ASB18: variants seen among roughly 807,000 people sequenced by gnomAD.
The protein encoded by ASB18 is ankyrin repeat and SOCS box protein 18.
In ASB18, 33 loss-of-function variants were observed where a neutral mutation model predicts 33.4. The observed-to-expected ratio is 0.99, with a 90% CI of 0.75 to 1.32. The LOEUF is 1.32. Ranked by LOEUF, ASB18 falls within the 40% of genes most tolerant of loss-of-function variation. The pLI is 0.00. For synonymous variants in ASB18, 295 were observed against 307.6 expected (o/e 0.96, Z 0.43); for missense variants, 694 against 655.5 (o/e 1.06, Z -0.64).
intron 4 of ASB18, among the ~76,000 whole-genome samples, chr2:236,199,546 TA>T (rs1179494365): frequency 2.7e-5 from 4 of 150,732 alleles, no homozygotes; most frequent in African/African-American, 4.9e-5. Flanking sequence ...AATATCACTA[TA>T]TATCAGAGAG....
chr2:236,197,922 T>C (rs759065983), intron 4 of ASB18, among the ~76,000 whole-genome samples: 1 of 152,172 alleles, frequency 6.6e-6, no homozygotes, highest in Non-Finnish European at 1.5e-5. Context: ...TTGCCAAGTG[T>C]TGTATAATCG....
rs1003033640 is a variant in ASB18, at chr2:236,195,332, C to T, written c.1216-275G>A. 3.9e-5 allele frequency among the ~76,000 whole-genome samples: 6 copies of T among 152,244 alleles called. No individual in the cohort carries two copies. The highest frequency in any genetic ancestry group is 4.4e-5 in the Non-Finnish European group (3 of 68,016). On this transcript the variant is annotated intron_variant, in intron 5 of 5. Transcript: ENST00000409749. The surrounding 1 kb of genome is among the most constrained non-coding windows in gnomAD (Gnocchi z 5.5). ...GGTCTCCCCGAATTCCGTTTTGCTCCATCCTCTTTGCACAGCAGCCCTACA... is the reference window on the plus strand; with the variant it reads ...GGTCTCCCCGAATTCCGTTTTGCTCTATCCTCTTTGCACAGCAGCCCTACA...
rs577328379 is a variant in ASB18 at position 236,209,034 on chromosome 2, C to G, written c.1101+5328G>C. On this transcript the variant is annotated intron_variant, in intron 4 of 5. Transcript: ENST00000409749. The surrounding 1 kb of genome is among the most constrained non-coding windows in gnomAD (Gnocchi z 4.4). ...TTATGATCTCCCCTCTCTCCTCCCA[C>G]TGGGGACTGGGTGCACGCAACTCTG... Among the ~76,000 whole-genome samples, 1 of 152,266 alleles carries G rather than the reference C, an allele frequency of 6.6e-6. No homozygotes were observed. Among genetic ancestry groups the G allele is most frequent in the African/African-American group, 2.4e-5 (1 of 41,556 alleles).
At position 236,255,053 on chromosome 2, in the gene ASB18, C is replaced by T. The variant is rs2060685877; in HGVS notation, c.205+9088G>A. Among the ~76,000 whole-genome samples the T allele has an allele frequency of 1.3e-5, 2 of 152,212 alleles. No individual in the cohort carries two copies. Among genetic ancestry groups the T allele is most frequent in the African/African-American group, 4.8e-5 (2 of 41,458 alleles). On this transcript the variant is annotated intron_variant, in intron 1 of 5. Transcript: ENST00000409749. This position sits in a 1 kb window ranked among gnomAD's most constrained non-coding sequence, Gnocchi z 4.4. ...TGCGTTCCGCCGCGACTGAAAGCTT[C>T]CTGAAGTCTCCCCAGAAGCCGAAGC...
rs1013520157 is a variant in ASB18 at position 236,260,079 on chromosome 2, A to G, written c.205+4062T>C. Among the ~76,000 whole-genome samples the G allele has an allele frequency of 1.3e-5, 2 of 152,238 alleles. No homozygotes were observed. Among genetic ancestry groups the G allele is most frequent in the Admixed American group, 1.3e-4 (2 of 15,288 alleles). Reference sequence around the variant, plus strand: ...ACAGGCCGATGAGCATGGTGATTGCACTGCAAGAGGCAAGGTCCTCAAGTG... The same window carrying G: ...ACAGGCCGATGAGCATGGTGATTGCGCTGCAAGAGGCAAGGTCCTCAAGTG... On this transcript the variant is annotated intron_variant, in intron 1 of 5. Transcript: ENST00000409749. This position sits in a 1 kb window ranked among gnomAD's most constrained non-coding sequence, Gnocchi z 5.1.
rs1012792975 is a variant in ASB18, at chr2:236,208,780, AT to A, written c.1101+5581del. The stretch of plus-strand genomic sequence containing the variant: ...TGCCAGGCAGCTGGCTGCCTTCATT[AT>A]TTTTACGCCAACACAGTTTAAAAAT... On this transcript the variant is annotated intron_variant, in intron 4 of 5. Coordinates refer to ENST00000409749, the MANE Select transcript of ASB18 (RefSeq NM_212556.4). This position sits in a 1 kb window ranked among gnomAD's most constrained non-coding sequence, Gnocchi z 7.7. 6.6e-6 allele frequency among the ~76,000 whole-genome samples: 1 copy of A among 151,986 alleles called. No individual in the cohort carries two copies. The highest frequency in any genetic ancestry group is 1.5e-5 in the Non-Finnish European group (1 of 67,996).
In ASB18 at chr2:236,208,882, G is replaced by A. The variant is rs1219234739; in HGVS notation, c.1101+5480C>T. Among the ~76,000 whole-genome samples, 5 of 152,108 alleles carry A rather than the reference G, an allele frequency of 3.3e-5. No individual in the cohort carries two copies. Among genetic ancestry groups the A allele is most frequent in the African/African-American group, 1.2e-4 (5 of 41,402 alleles). ...ACATGCTGATGTCATTAGTGTCCAC[G>A]CACACCACACTCTCTTCAGCTAATG... On this transcript the variant is annotated intron_variant, in intron 4 of 5. Coordinates refer to ENST00000409749, the MANE Select transcript of ASB18 (RefSeq NM_212556.4). This position sits in a 1 kb window ranked among gnomAD's most constrained non-coding sequence, Gnocchi z 7.7.
Position 236,249,763 on chromosome 2 carries a change from G to A in ASB18, c.206-8361C>T, listed in dbSNP as rs1301810605. The stretch of plus-strand genomic sequence containing the variant: ...GTGGTCTTTTGCTGCAGACCATGAA[G>A]TGAATTTAGGAAAAGGAAGGCAAGA... On this transcript the variant is annotated intron_variant, in intron 1 of 5. Transcript: ENST00000409749. This position sits in a 1 kb window ranked among gnomAD's most constrained non-coding sequence, Gnocchi z 4.6. 1 of 152,154 alleles carries A rather than the reference G, an allele frequency of 6.6e-6. No homozygotes were observed. Among genetic ancestry groups the A allele is most frequent in the East Asian group, 1.9e-4 (1 of 5,190 alleles). 9.4% of individuals were successfully genotyped at this position (152,154 alleles called of 1,614,324 possible).
rs1390161268 is a variant in ASB18, at chr2:236,248,058, G to A, written c.206-6656C>T. On this transcript the variant is annotated intron_variant, in intron 1 of 5. Transcript: ENST00000409749. This position sits in a 1 kb window ranked among gnomAD's most constrained non-coding sequence, Gnocchi z 4.9. ...CGGGGTGTAGGCAGCAACATGCAATGCCAGTTTCATGACAGCCTCTTGGAA... is the reference window on the plus strand; with the variant it reads ...CGGGGTGTAGGCAGCAACATGCAATACCAGTTTCATGACAGCCTCTTGGAA... 3 of 152,328 alleles carry A rather than the reference G, an allele frequency of 2.0e-5. No homozygotes were observed. Among genetic ancestry groups the A allele is most frequent in the South Asian group, 2.1e-4 (1 of 4,824 alleles). 9.4% of individuals were successfully genotyped at this position (152,328 alleles called of 1,614,324 possible). A position where few individuals can be genotyped will look rare whatever the true frequency, so the allele number is the denominator to read the frequency against.
Position 236,262,456 on chromosome 2 carries a change from T to C in ASB18, c.205+1685A>G, listed in dbSNP as rs1276895225. Among the ~76,000 whole-genome samples the C allele has an allele frequency of 6.6e-6, 1 of 152,312 alleles. No homozygotes were observed. Among genetic ancestry groups the C allele is most frequent in the East Asian group, 1.9e-4 (1 of 5,156 alleles). ...AGCCAAGCCTTCCACAGAAGGAGGC[T>C]GCTAAACCCAGCAGCGATCTGGCAG... On this transcript the variant is annotated intron_variant, in intron 1 of 5. Transcript: ENST00000409749. The surrounding 1 kb of genome is among the most constrained non-coding windows in gnomAD (Gnocchi z 5.2).
intron 1 of ASB18, chr2:236,254,041 G>A (rs1202542492): frequency 6.6e-6 from 1 of 152,080 alleles, no homozygotes; most frequent in Admixed American, 6.5e-5. Flanking sequence ...TTTCCATAAA[G>A]TGCCAGACAG....
rs2060476615 is a variant in ASB18, at chr2:236,214,600, G to C, written c.863C>G (p.Ala288Gly). 7 of 1,256,296 alleles carry C rather than the reference G, an allele frequency of 5.6e-6. No homozygotes were observed. The South Asian group carries it at 1.9e-4, about 35-fold the overall frequency. 77.8% of individuals were successfully genotyped at this position (1,256,296 alleles called of 1,614,324 possible). Residue 288 changes from alanine to glycine, a missense_variant, in exon 4 of 6, where the codon GCG (alanine) becomes GGG (glycine). Coordinates refer to ENST00000409749, the MANE Select transcript of ASB18 (RefSeq NM_212556.4). This position sits in a 1 kb window ranked among gnomAD's most constrained non-coding sequence, Gnocchi z 6.5. ...LLLRRGAEAD[A>G]RDEDERSPLH... ...CGGGCTGCGCTCGTCCTCGTCGCGC[G>C]CGTCCGCCTCCGCCCCGCGCCGCAG...
chr2:236,253,154 G>A lies in ASB18; in HGVS notation c.205+10987C>T, dbSNP rs965181050. 4.6e-5 allele frequency among the ~76,000 whole-genome samples: 7 copies of A among 152,174 alleles called. No individual in the cohort carries two copies. The highest frequency in any genetic ancestry group is 7.3e-5 in the Non-Finnish European group (5 of 68,028). ...ACCCAACGCTGACCCCTGAGCTCAC[G>A]AGCCACTGGGAGGATGGTGGGTGTG... On this transcript the variant is annotated intron_variant, in intron 1 of 5. Coordinates refer to ENST00000409749, the MANE Select transcript of ASB18 (RefSeq NM_212556.4). The surrounding 1 kb of genome is among the most constrained non-coding windows in gnomAD (Gnocchi z 5.4).
Position 236,214,489 on chromosome 2 carries a change from CCATA to C in ASB18, c.970_973del (p.Tyr324AlafsTer45), listed in dbSNP as rs1480102432. 22 of 1,508,372 alleles carry C rather than the reference CCATA, an allele frequency of 1.5e-5. No homozygotes were observed. Among genetic ancestry groups the C allele is most frequent in the Non-Finnish European group, 1.9e-5 (22 of 1,136,668 alleles). 93.4% of individuals were successfully genotyped at this position (1,508,372 alleles called of 1,614,324 possible). ...CACGCGGCCCAGCGGCGAGGCCCCG[CCATA>C]GTCGAGCGCGCCCGCGTCGGCGCCG... On this transcript the variant is annotated frameshift_variant, in exon 4 of 6. Transcript: ENST00000409749. LOFTEE classifies it high-confidence loss of function. This position sits in a 1 kb window ranked among gnomAD's most constrained non-coding sequence, Gnocchi z 6.5.
rs1347524321 is a variant in ASB18, at chr2:236,237,280, T to C, written c.596+409A>G. On this transcript the variant is annotated intron_variant, in intron 3 of 5. Transcript: ENST00000409749. This position sits in a 1 kb window ranked among gnomAD's most constrained non-coding sequence, Gnocchi z 6.2. ...GGCTGGGCTGTGATCACCGCGCTCA[T>C]TACCTCGGCGTGGCGCCTCCCGCGC... is the stretch of plus-strand genomic sequence containing the variant. 2.6e-5 allele frequency among the ~76,000 whole-genome samples: 4 copies of C among 151,768 alleles called. No homozygotes were observed. Among genetic ancestry groups the C allele is most frequent in the Non-Finnish European group, 1.5e-5 (1 of 67,944 alleles).
Position 236,241,491 on chromosome 2 carries a change from T to A in ASB18, c.206-89A>T. 6.7e-7 allele frequency: 1 copy of A among 1,493,658 alleles called. No individual in the cohort carries two copies. Among genetic ancestry groups the A allele is most frequent in the Non-Finnish European group, 9.2e-7 (1 of 1,083,270 alleles). The allele number at this position is 1,493,658 out of a possible 1,614,324, so 92.5% of individuals were successfully genotyped here. ...CTGTCTTTTGAAATATTTGAAGTTT[T>A]CCTCTCACTGGCCCTGGCTGTCTCT... is the stretch of plus-strand genomic sequence containing the variant. On this transcript the variant is annotated intron_variant, in intron 1 of 5. Coordinates refer to ENST00000409749, the MANE Select transcript of ASB18 (RefSeq NM_212556.4). The surrounding 1 kb of genome is among the most constrained non-coding windows in gnomAD (Gnocchi z 4.2).
rs1408543635 is a variant in ASB18 at position 236,241,627 on chromosome 2, C to T, written c.206-225G>A. ...ACTCAATTGTCATCCAGTTGGGGCTCGATGGTGGTATATTTATAACTCCTG... is the reference window on the plus strand; with the variant it reads ...ACTCAATTGTCATCCAGTTGGGGCTTGATGGTGGTATATTTATAACTCCTG... On this transcript the variant is annotated intron_variant, in intron 1 of 5. Transcript: ENST00000409749. The surrounding 1 kb of genome is among the most constrained non-coding windows in gnomAD (Gnocchi z 4.2). 4.0e-5 allele frequency: 26 copies of T among 642,526 alleles called. No individual in the cohort carries two copies. Among genetic ancestry groups the T allele is most frequent in the South Asian group, 3.1e-4 (17 of 54,742 alleles). 39.8% of individuals were successfully genotyped at this position (642,526 alleles called of 1,614,324 possible). A position where few individuals can be genotyped will look rare whatever the true frequency, so the allele number is the denominator to read the frequency against.
At position 236,260,692 on chromosome 2, in the gene ASB18, C is replaced by A. The variant is rs2060713543; in HGVS notation, c.205+3449G>T. Among the ~76,000 whole-genome samples, 1 of 152,210 alleles carries A rather than the reference C, an allele frequency of 6.6e-6. No homozygotes were observed. Among genetic ancestry groups the A allele is most frequent in the South Asian group, 2.1e-4 (1 of 4,830 alleles). ...CAAGCCAGCAGTGGTTCCCAAGGAG[C>A]ATCTGCAAATCACCAATTCTACGGG... On this transcript the variant is annotated intron_variant, in intron 1 of 5. Transcript: ENST00000409749. The surrounding 1 kb of genome is among the most constrained non-coding windows in gnomAD (Gnocchi z 5.1).
At chr2:236,218,440 C>T (rs1217596109) in intron 3 of ASB18, among the ~76,000 whole-genome samples, 2 of 152,136 alleles carry the variant, frequency 1.3e-5, no homozygotes, top group African/African-American at 4.8e-5. Context: ...GATCAGGTTA[C>T]AAAATAGCAC....
Sources: allele counts gnomAD v4.1 joint callset (sites outside exome capture counted in the v4.1 genomes callset), GRCh38; gene constraint gnomAD v4.1.1; non-coding constraint Gnocchi (gnomAD v3.1); transcripts MANE v1.5; gene names NCBI Gene and HGNC (gene_info 2026-07-23, HGNC 2026-07-21).